The following RIT2 variants were observed in gnomAD, a reference collection of about 807,000 sequenced individuals.
RIT2 encodes GTP-binding protein Rit2.
Under a neutral mutation model 23.7 loss-of-function variants are expected in RIT2, and 24 were observed. The ratio of observed to expected loss-of-function variants is 1.01; its 90% confidence interval spans 0.73 to 1.43. The LOEUF (loss-of-function observed/expected upper bound fraction) is 1.43, where lower values mean the gene tolerates loss of function less well. Ranked by LOEUF, RIT2 falls within the 40% of genes most tolerant of loss-of-function variation. RIT2 has a pLI of 0.00. For missense variants in RIT2, 236 were observed against 266.9 expected (o/e 0.88, Z 0.81); for synonymous variants, 107 against 91.1 (o/e 1.17, Z -0.99).
chr18:42,772,923 A>G (rs1400872048), intron 4 of RIT2, among the ~76,000 whole-genome samples: 1 of 152,126 alleles, frequency 6.6e-6, no homozygotes, highest in African/African-American at 2.4e-5. Context: ...AGACCTTGGG[A>G]GAACCATGGG....
At chr18:43,090,716 G>T (rs898497734) in intron 1 of RIT2, among the ~76,000 whole-genome samples, 1 of 152,008 alleles carries the variant, frequency 6.6e-6, no homozygotes. Flanking sequence ...TCATTTGCAG[G>T]AACTTGGATG....
At chr18:42,962,337 T>C (rs1910111801) in intron 3 of RIT2, among the ~76,000 whole-genome samples, 1 of 152,242 alleles carries the variant, frequency 6.6e-6, no homozygotes, top group African/African-American at 2.4e-5. Context: ...TTTAAAATTA[T>C]TTTAAAACTA....
intron 4 of RIT2, among the ~76,000 whole-genome samples, chr18:42,788,610 T>C (rs895569691): frequency 6.6e-6 from 1 of 152,142 alleles, no homozygotes; most frequent in South Asian, 2.1e-4. Flanking sequence ...TCACCACCAA[T>C]TTTGTCAGAA....
At chr18:42,809,273 G>C (rs1905772616) in intron 4 of RIT2, among the ~76,000 whole-genome samples, 1 of 152,056 alleles carries the variant, frequency 6.6e-6, no homozygotes, top group African/African-American at 2.4e-5. Context: ...TAAAAGACTT[G>C]ACCAAAGTTC....
chr18:43,018,508 T>G (rs1269509514), intron 2 of RIT2, among the ~76,000 whole-genome samples: 1 of 151,752 alleles, frequency 6.6e-6, no homozygotes, highest in Non-Finnish European at 1.5e-5. Flanking sequence ...ACAGAGAGAA[T>G]TCATAAAACA....
intron 4 of RIT2, among the ~76,000 whole-genome samples, chr18:42,764,295 C>T (rs1315318954): frequency 2.6e-5 from 4 of 152,150 alleles, no homozygotes; most frequent in Non-Finnish European, 4.4e-5. Context: ...CTACTCTCAG[C>T]TTTTAATGAT....
At chr18:42,825,849 A>G (rs905323688) in intron 4 of RIT2, among the ~76,000 whole-genome samples, 10 of 152,056 alleles carry the variant, frequency 6.6e-5, no homozygotes, top group Non-Finnish European at 1.5e-4. Flanking sequence ...TGCAATCTCT[A>G]TGCCTTTCAC....
intron 4 of RIT2, among the ~76,000 whole-genome samples, chr18:42,755,519 C>T (rs1218633080): frequency 6.6e-6 from 1 of 152,074 alleles, no homozygotes; most frequent in Non-Finnish European, 1.5e-5. Context: ...TAATGCCATC[C>T]CATTACTCTT....
intron 2 of RIT2, among the ~76,000 whole-genome samples, chr18:43,003,779 C>CACAT (rs1189353056): frequency 1.4e-5 from 2 of 141,192 alleles, no homozygotes; most frequent in African/African-American, 6.1e-5. Context: ...CACACACACA[C>CACAT]ACACACACAC....
chr18:42,964,290 C>G (rs1910161472), intron 3 of RIT2, among the ~76,000 whole-genome samples: 1 of 151,882 alleles, frequency 6.6e-6, no homozygotes, highest in Non-Finnish European at 1.5e-5. Flanking sequence ...AAAAGTTAAA[C>G]TGGGAACTGG....
rs552701403 is a variant in RIT2 at position 42,958,308 on chromosome 18, T to C, written c.234+15766A>G. Among the ~76,000 whole-genome samples the C allele has an allele frequency of 5.3e-5, 8 of 152,310 alleles. No homozygotes were observed. The South Asian group carries it at 1.2e-3, about 24-fold the overall frequency. Reference sequence around the variant, plus strand: ...AAATGTAGGGTCTTGATCTGTTATGTTACAAAATATATAAAAAATTATTGA... The same window carrying C: ...AAATGTAGGGTCTTGATCTGTTATGCTACAAAATATATAAAAAATTATTGA... On this transcript the variant is annotated intron_variant, in intron 3 of 4. Transcript: ENST00000326695.
chr18:43,018,550 G>GA (rs1911525550), intron 2 of RIT2, among the ~76,000 whole-genome samples: 1 of 151,850 alleles, frequency 6.6e-6, no homozygotes, highest in Non-Finnish European at 1.5e-5. Context: ...ACATAGAAGG[G>GA]AACCCCCATC....
chr18:42,768,484 T>C (rs1167150840), intron 4 of RIT2, among the ~76,000 whole-genome samples: 1 of 152,188 alleles, frequency 6.6e-6, no homozygotes, highest in Non-Finnish European at 1.5e-5. Flanking sequence ...CCTAATTAGT[T>C]ACCAGGGTGA....
intron 1 of RIT2, among the ~76,000 whole-genome samples, chr18:43,062,043 G>T (rs950803253): frequency 7.9e-5 from 12 of 152,032 alleles, no homozygotes; most frequent in Non-Finnish European, 1.8e-4. Flanking sequence ...GAAGCCATGG[G>T]ATGCCACTCC....
At chr18:43,114,081 T>C (rs750504821) in intron 1 of RIT2, among the ~76,000 whole-genome samples, 1 of 152,210 alleles carries the variant, frequency 6.6e-6, no homozygotes, top group Non-Finnish European at 1.5e-5. Context: ...CTCAAATCAT[T>C]ATATTTAGAG....
At chr18:43,058,842 T>C (rs943269480) in intron 1 of RIT2, among the ~76,000 whole-genome samples, 4 of 152,050 alleles carry the variant, frequency 2.6e-5, no homozygotes, top group African/African-American at 9.7e-5. Context: ...TGAGTTGTAA[T>C]TGCACCACTG....
chr18:43,109,052 G>A (rs906102441), intron 1 of RIT2, among the ~76,000 whole-genome samples: 7 of 152,154 alleles, frequency 4.6e-5, no homozygotes, highest in African/African-American at 1.7e-4. Flanking sequence ...TAATTCATCA[G>A]ATAAAGGCTC....
intron 4 of RIT2, among the ~76,000 whole-genome samples, chr18:42,778,259 GA>G (rs571287162): frequency 2.1e-4 from 31 of 150,828 alleles, no homozygotes; most frequent in Non-Finnish European, 3.4e-4. Flanking sequence ...GTCACCAAAA[GA>G]AAAAAAAATC....
chr18:42,986,481 G>A (rs1430202515), intron 2 of RIT2, among the ~76,000 whole-genome samples: 1 of 151,960 alleles, frequency 6.6e-6, no homozygotes, highest in Non-Finnish European at 1.5e-5. Flanking sequence ...AGATAAAGCT[G>A]TTTATTTTTA....
Sources: gnomAD v4.1 joint callset for allele counts (sites outside exome capture counted in the v4.1 genomes callset) on GRCh38, gnomAD v4.1.1 for gene constraint, MANE v1.5 for transcripts, NCBI Gene and HGNC (gene_info 2026-07-23, HGNC 2026-07-21) for gene names.